The following FERMT2 variants were observed in gnomAD, a reference collection of about 807,000 sequenced individuals.
The protein encoded by FERMT2 is fermitin family homolog 2.
FERMT2 carries 15 observed loss-of-function variants against 82.7 expected under a neutral mutation model. That is an observed-to-expected ratio of 0.18 (90% CI 0.12 to 0.28). FERMT2 has a LOEUF of 0.28. Among genes scored for constraint, FERMT2 ranks in the 10% least tolerant of loss-of-function variants. The pLI is 1.00. For synonymous variants in FERMT2, 274 were observed against 271.5 expected (o/e 1.01, Z -0.09); for missense variants, 645 against 809.4 (o/e 0.80, Z 2.46).
Position 52,872,831 on chromosome 14 carries a change from C to T in FERMT2, c.1241G>A (p.Ser414Asn), listed in dbSNP as rs1566721761. The T allele has an allele frequency of 1.2e-6, 2 of 1,613,890 alleles. No homozygotes were observed. Among genetic ancestry groups the T allele is most frequent in the East Asian group, 2.2e-5 (1 of 44,886 alleles). ...GTTCATCTGATGAGCTGGTGTGCCACTGGATTCTTCTTTGCTCTTATAACA... is the reference window on the plus strand; with the variant it reads ...GTTCATCTGATGAGCTGGTGTGCCATTGGATTCTTCTTTGCTCTTATAACA... ...ISCYKSKEESSGTPAHQMNLR... is the reference protein window; with the variant it reads ...ISCYKSKEESNGTPAHQMNLR... Residue 414 changes from serine to asparagine, a missense_variant, in exon 10 of 15, where the codon AGT becomes AAT. Ser to Asn is a conservative substitution (Grantham distance 46, BLOSUM62 1). Transcript: ENST00000341590.
chr14:52,911,520 G>A (rs898604760), intron 3 of FERMT2, among the ~76,000 whole-genome samples: 3 of 151,796 alleles, frequency 2.0e-5, no homozygotes, highest in African/African-American at 4.8e-5. Context: ...GCGTGGTGGC[G>A]AGCGCCTATA....
intron 2 of FERMT2, chr14:52,948,497 A>C (rs1447004539): frequency 2.3e-6 from 1 of 434,120 alleles, no homozygotes; most frequent in African/African-American, 2.1e-5. Flanking sequence ...TCAAAATATA[A>C]GAGGAATCAG....
At chr14:52,947,256 G>A (rs910717655) in intron 2 of FERMT2, among the ~76,000 whole-genome samples, 1 of 152,168 alleles carries the variant, frequency 6.6e-6, no homozygotes, top group South Asian at 2.1e-4. Context: ...AAGGCAGGCG[G>A]ATGACGAGGT....
At chr14:52,940,264 A>G (rs1890032456) in intron 2 of FERMT2, among the ~76,000 whole-genome samples, 1 of 152,196 alleles carries the variant, frequency 6.6e-6, no homozygotes, top group South Asian at 2.1e-4. Context: ...TGAAACCTGA[A>G]TCATGGAAGG....
At chr14:52,864,214 CAA>C (rs1157609330) in intron 12 of FERMT2, among the ~76,000 whole-genome samples, 185 bp downstream of exon 12, 1 of 151,920 alleles carries the variant, frequency 6.6e-6, no homozygotes, top group Non-Finnish European at 1.5e-5. Flanking sequence ...TGTTGGCACT[CAA>C]AAAGTTTCAG....
At chr14:52,933,946 A>G (rs1889719342) in intron 2 of FERMT2, among the ~76,000 whole-genome samples, 1 of 152,048 alleles carries the variant, frequency 6.6e-6, no homozygotes, top group Admixed American at 6.6e-5. Flanking sequence ...CCCCTTTATC[A>G]AACTGGCAAA....
At chr14:52,901,004 T>C (rs1458401355) in intron 3 of FERMT2, among the ~76,000 whole-genome samples, 1 of 147,860 alleles carries the variant, frequency 6.8e-6, no homozygotes, top group Non-Finnish European at 1.5e-5. Context: ...CTCATGCCTG[T>C]AATCCTAGCA....
intron 4 of FERMT2, among the ~76,000 whole-genome samples, chr14:52,886,533 G>C (rs1027274057): frequency 2.6e-5 from 4 of 151,982 alleles, no homozygotes; most frequent in Non-Finnish European, 4.4e-5. Context: ...ATACCACCTA[G>C]GTAGAAAAAC....
chr14:52,881,003 G>GAA, intron 6 of FERMT2, 33 bp downstream of exon 6: 19 of 1,214,846 alleles, frequency 1.6e-5, no homozygotes, highest in Admixed American at 4.7e-5. Flanking sequence ...AATTAATGGG[G>GAA]AAAAAAAAAA....
chr14:52,894,789 C>T (rs1333021569), intron 3 of FERMT2, among the ~76,000 whole-genome samples: 1 of 149,558 alleles, frequency 6.7e-6, no homozygotes, highest in African/African-American at 2.5e-5. Context: ...ATGTAACAGT[C>T]AAAATAATGA....
chr14:52,935,855 T>C (rs1889812111), intron 2 of FERMT2, among the ~76,000 whole-genome samples: 2 of 152,242 alleles, frequency 1.3e-5, no homozygotes, highest in Non-Finnish European at 2.9e-5. Context: ...AGATAATGTC[T>C]ATCAATTTCA....
At chr14:52,947,308 T>C (rs2139715948) in intron 2 of FERMT2, among the ~76,000 whole-genome samples, 1 of 152,168 alleles carries the variant, frequency 6.6e-6, no homozygotes, top group Non-Finnish European at 1.5e-5. Flanking sequence ...TGAAACCCCG[T>C]CTCTACTAAA....
At chr14:52,883,997 T>C (rs1208883690) in intron 4 of FERMT2, among the ~76,000 whole-genome samples, 1 of 152,192 alleles carries the variant, frequency 6.6e-6, no homozygotes, top group Non-Finnish European at 1.5e-5. Context: ...ATTAAACCTC[T>C]TTTCTCCTAA....
intron 2 of FERMT2, among the ~76,000 whole-genome samples, chr14:52,926,732 T>G (rs1242845050): frequency 6.6e-6 from 1 of 151,046 alleles, no homozygotes; most frequent in East Asian, 1.9e-4. Flanking sequence ...GGTAAAAAGC[T>G]GTACTATTAT....
At position 52,860,786 on chromosome 14, in the gene FERMT2, T is replaced by C. The variant is rs74051067; in HGVS notation, c.1603-321A>G. Reference sequence around the variant, plus strand: ...AGAACAGCACATTCTAATCCACATATACACGAGTTTTAATTAAATTTAGCA... The same window carrying C: ...AGAACAGCACATTCTAATCCACATACACACGAGTTTTAATTAAATTTAGCA... On this transcript the variant is annotated intron_variant, in intron 12 of 14. Coordinates refer to ENST00000341590, the MANE Select transcript of FERMT2 (RefSeq NM_006832.3). 517 of 580,404 alleles carry C rather than the reference T, an allele frequency of 8.9e-4. 2 individuals carry two copies. The African/African-American group carries it at 9.2e-3, about 10-fold the overall frequency. 36.0% of individuals were successfully genotyped at this position (580,404 alleles called of 1,614,324 possible).
At chr14:52,882,750 T>C (rs577470369) in intron 4 of FERMT2, among the ~76,000 whole-genome samples, 1 of 151,592 alleles carries the variant, frequency 6.6e-6, no homozygotes, top group Non-Finnish European at 1.5e-5. Context: ...GTGGTGCTAA[T>C]GCTAGAGATT....
At chr14:52,899,168 A>C (rs956080572) in intron 3 of FERMT2, among the ~76,000 whole-genome samples, 1 of 152,162 alleles carries the variant, frequency 6.6e-6, no homozygotes, top group African/African-American at 2.4e-5. Flanking sequence ...TGTAAAATCA[A>C]TAATAATAAT....
intron 10 of FERMT2, among the ~76,000 whole-genome samples, chr14:52,865,672 G>A (rs1212584898): frequency 1.3e-5 from 2 of 152,116 alleles, no homozygotes; most frequent in Non-Finnish European, 2.9e-5. Flanking sequence ...TCATGCAGTA[G>A]GCTCTACGAA....
intron 3 of FERMT2, among the ~76,000 whole-genome samples, chr14:52,911,600 A>G (rs1031477195): frequency 1.3e-5 from 2 of 151,804 alleles, no homozygotes; most frequent in East Asian, 1.9e-4. Flanking sequence ...GCAGTGAGCC[A>G]AGATCGCGCC....
Sources: allele counts gnomAD v4.1 joint callset (sites outside exome capture counted in the v4.1 genomes callset), GRCh38; gene constraint gnomAD v4.1.1; transcripts MANE v1.5; gene names NCBI Gene and HGNC (gene_info 2026-07-23, HGNC 2026-07-21).